PLPPR4: variants seen among roughly 807,000 people sequenced by gnomAD.
The protein encoded by PLPPR4 is phospholipid phosphatase-related protein type 4.
PLPPR4 carries 24 observed loss-of-function variants against 56.6 expected under a neutral mutation model. The ratio of observed to expected loss-of-function variants is 0.42; its 90% CI spans 0.31 to 0.60. The LOEUF (loss-of-function observed/expected upper bound fraction) is 0.60, where lower values mean the gene tolerates loss of function less well. PLPPR4 is among the 20% of genes least tolerant of loss of function. PLPPR4 has a pLI of 0.13. For synonymous variants in PLPPR4, 326 were observed against 328.1 expected (o/e 0.99, Z 0.07); for missense variants, 654 against 885.8 (o/e 0.74, Z 3.32).
chr1:99,304,525 A>T (rs770215711), intron 6 of PLPPR4, among the ~76,000 whole-genome samples: 12 of 152,204 alleles, frequency 7.9e-5, no homozygotes, highest in Non-Finnish European at 1.3e-4. Context: ...AAGTACAATT[A>T]TTAATAGAAC....
At chr1:99,265,161 CCTT>C (rs1658862491) in intron 1 of PLPPR4, among the ~76,000 whole-genome samples, 3 of 137,304 alleles carry the variant, frequency 2.2e-5, no homozygotes, top group African/African-American at 7.8e-5. Context: ...CCCCCCAAAT[CCTT>C]CTCCTATTAT....
rs965256649 is a variant in PLPPR4, at chr1:99,288,006, C to G, written c.120C>G (p.Leu40=). The change falls in exon 2 of 7, where the codon CTC becomes CTG. Residue 40 remains leucine (L), a synonymous_variant. Coordinates refer to ENST00000370185, the MANE Select transcript of PLPPR4 (RefSeq NM_014839.5). The part of the protein sequence containing the change: ...LASSVVSLYF[L]ELTDVFKPVH... ...CATCGGTGGTTAGCCTCTATTTCCT[C>G]GAACTCACAGATGTCTTCAAACCTG... 1 of 1,613,316 alleles carries G rather than the reference C, an allele frequency of 6.2e-7. No individual in the cohort carries two copies. Among genetic ancestry groups the G allele is most frequent in the African/African-American group, 1.3e-5 (1 of 74,806 alleles).
chr1:99,283,946 T>C (rs112669526), intron 1 of PLPPR4, among the ~76,000 whole-genome samples: 1,783 of 152,236 alleles, frequency 0.012, 26 homozygotes, highest in African/African-American at 0.036. Context: ...AGCGAGACTC[T>C]GTCTCAGAAA....
chr1:99,301,606 A>AG, intron 5 of PLPPR4, 118 bp from the exon 6 acceptor site: 1 of 613,776 alleles, frequency 1.6e-6, no homozygotes, highest in Non-Finnish European at 2.8e-6. Flanking sequence ...CCATAGGAAG[A>AG]GGGGGTGAAA....
At chr1:99,284,579 A>AG (rs1659416309) in intron 1 of PLPPR4, among the ~76,000 whole-genome samples, 1 of 151,860 alleles carries the variant, frequency 6.6e-6, no homozygotes, top group Admixed American at 6.6e-5. Flanking sequence ...CTGCGCCCAG[A>AG]GAAAAAAAGA....
intron 6 of PLPPR4, among the ~76,000 whole-genome samples, chr1:99,302,920 G>C (rs1659921996): frequency 1.3e-5 from 2 of 151,564 alleles, no homozygotes; most frequent in African/African-American, 4.9e-5. Context: ...ATCATTGTTG[G>C]ACATTTGGGT....
At chr1:99,292,361 A>T (rs902219045) in intron 2 of PLPPR4, among the ~76,000 whole-genome samples, 1 of 152,182 alleles carries the variant, frequency 6.6e-6, no homozygotes, top group East Asian at 1.9e-4. Context: ...TCAATATACA[A>T]GTTTGAGATG....
At chr1:99,302,280 C>T (rs1372214040) in intron 6 of PLPPR4, among the ~76,000 whole-genome samples, 1 of 151,976 alleles carries the variant, frequency 6.6e-6, no homozygotes, top group East Asian at 1.9e-4. Context: ...ACAAATTTAG[C>T]ACCTGAATGT....
chr1:99,264,627 A>G lies in PLPPR4; in HGVS notation c.34A>G (p.Ile12Val). Residue 12 changes from isoleucine (I) to valine (V), a missense_variant, in exon 1 of 7, where the codon ATC becomes GTC. Around this residue, in one of 2 missense-constraint regions of PLPPR4, gnomAD observed 186 missense variants for 331.4 expected, o/e 0.56. Coordinates refer to ENST00000370185, the MANE Select transcript of PLPPR4 (RefSeq NM_014839.5). ...GAAGGAGAGGCCAAAGGGCAAAGTGATCAAGGACAGCGTCACCCTCCTGCC... is the reference window on the plus strand; with the variant it reads ...GAAGGAGAGGCCAAAGGGCAAAGTGGTCAAGGACAGCGTCACCCTCCTGCC... ...SAKERPKGKV[I>V]KDSVTLLPCF... is the part of the protein sequence containing the mutation. 3 of 1,550,708 alleles carry G rather than the reference A, an allele frequency of 1.9e-6. No individual in the cohort carries two copies. The highest frequency in any genetic ancestry group is 2.4e-5 in the South Asian group (2 of 84,074).
intron 1 of PLPPR4, among the ~76,000 whole-genome samples, chr1:99,270,044 T>TGG (rs1553190746): frequency 7.4e-6 from 1 of 134,836 alleles, no homozygotes; most frequent in African/African-American, 2.7e-5. Flanking sequence ...TGTGTGTGTG[T>TGG]GGCAGGGTCT....
chr1:99,301,092 G>A (rs368577913), intron 5 of PLPPR4, 126 bp downstream of exon 5: 6 of 781,432 alleles, frequency 7.7e-6, no homozygotes, highest in Middle Eastern at 2.4e-4. Flanking sequence ...TAGCACTGCA[G>A]CCTTTCAATA....
chr1:99,296,266 G>T (rs1404560941), intron 2 of PLPPR4, among the ~76,000 whole-genome samples: 1 of 152,134 alleles, frequency 6.6e-6, no homozygotes, highest in Non-Finnish European at 1.5e-5. Flanking sequence ...AATGGCATAA[G>T]ATTAAAAATT....
chr1:99,277,172 GC>G (rs1370990714), intron 1 of PLPPR4, among the ~76,000 whole-genome samples: 1 of 152,102 alleles, frequency 6.6e-6, no homozygotes, highest in Non-Finnish European at 1.5e-5. Flanking sequence ...CATCTTGGTA[GC>G]CATTGTTTTG....
chr1:99,283,767 C>T (rs1451112399), intron 1 of PLPPR4, among the ~76,000 whole-genome samples: 2 of 151,550 alleles, frequency 1.3e-5, no homozygotes, highest in Non-Finnish European at 2.9e-5. Context: ...CTGGCTAACA[C>T]GGTGAAACCG....
chr1:99,270,945 A>G (rs1347170133), intron 1 of PLPPR4, among the ~76,000 whole-genome samples: 1 of 152,252 alleles, frequency 6.6e-6, no homozygotes, highest in Non-Finnish European at 1.5e-5. Flanking sequence ...TTTTAGAGAT[A>G]GAGTTAAATG....
intron 4 of PLPPR4, 68 bp downstream of exon 4, chr1:99,299,298 C>A: frequency 9.0e-7 from 1 of 1,115,222 alleles, no homozygotes; most frequent in African/African-American, 1.6e-5. Flanking sequence ...TGGAGTATCA[C>A]TTTAAGCATG....
intron 1 of PLPPR4, 133 bp from the exon 2 acceptor site, chr1:99,287,832 T>A (rs1659507691): frequency 6.0e-6 from 4 of 671,420 alleles, no homozygotes. Flanking sequence ...GTAGAAGTAA[T>A]AGAACTTATG....
chr1:99,300,974 A>T lies in PLPPR4; in HGVS notation c.648+8A>T. 6.2e-7 allele frequency: 1 copy of T among 1,611,142 alleles called. No homozygotes were observed. The highest frequency in any genetic ancestry group is 8.5e-7 in the Non-Finnish European group (1 of 1,177,634). ...GCAGCTGTGTATGTTTCGGTAAGTA[A>T]CTGGTTCTTTTTTGTTAAGTTGTGT... is the stretch of plus-strand genomic sequence containing the variant. On this transcript the variant is annotated splice_region_variant and intron_variant, in intron 5 of 6. Coordinates refer to ENST00000370185, the MANE Select transcript of PLPPR4 (RefSeq NM_014839.5).
In PLPPR4 at chr1:99,303,937, G is replaced by A. The variant is rs375569741; in HGVS notation, c.823-1748G>A. 6.4e-4 allele frequency among the ~76,000 whole-genome samples: 98 copies of A among 152,314 alleles called. 2 individuals carry two copies. The South Asian group carries it at 0.011, about 17-fold the overall frequency. ...TCTAGTTTATGTATTGCTTTTGCAT[G>A]TGTGTCATTTCATGATGTCCTGGAA... is the stretch of plus-strand genomic sequence containing the variant. On this transcript the variant is annotated intron_variant, in intron 6 of 6. Transcript: ENST00000370185.
Sources: gnomAD v4.1 joint callset for allele counts (sites outside exome capture counted in the v4.1 genomes callset) on GRCh38, gnomAD v4.1.1 for gene constraint, gnomAD v4.1.1 regional missense constraint, MANE v1.5 for transcripts, NCBI Gene and HGNC (gene_info 2026-07-23, HGNC 2026-07-21) for gene names.